PRRG4: variants seen among roughly 807,000 people sequenced by gnomAD.
PRRG4 encodes transmembrane gamma-carboxyglutamic acid protein 4.
PRRG4 carries 12 observed loss-of-function variants against 20.0 expected under a neutral mutation model. The ratio of observed to expected loss-of-function variants is 0.60; its 90% CI spans 0.38 to 0.97. The LOEUF (loss-of-function observed/expected upper bound fraction) is 0.97. PRRG4 is among the 50% of genes least tolerant of loss of function. The probability of loss-of-function intolerance (pLI) is 0.00; values close to 1 mark genes in which losing one functional copy is unlikely to be tolerated. For missense variants in PRRG4, 199 were observed against 265.1 expected, an observed-to-expected ratio of 0.75 and a Z score of 1.73; for synonymous variants, 94 against 96.4, an observed-to-expected ratio of 0.98 and a Z score of 0.15.
intron 5 of PRRG4, among the ~76,000 whole-genome samples, chr11:32,848,615 C>CAT (rs755363252): frequency 9.2e-4 from 137 of 149,140 alleles, no homozygotes; most frequent in African/African-American, 1.3e-3. Flanking sequence ...TATATGTATA[C>CAT]ATATATATAT....
intron 5 of PRRG4, among the ~76,000 whole-genome samples, chr11:32,844,628 G>A (rs1851111191): frequency 6.6e-6 from 1 of 151,954 alleles, no homozygotes; most frequent in South Asian, 2.1e-4. Context: ...AGCCTCCCAA[G>A]TAGCTGAGAT....
chr11:32,829,813 A>T, upstream of PRRG4: 1 of 985,398 alleles, frequency 1.0e-6, no homozygotes, highest in African/African-American at 1.7e-5. Flanking sequence ...CTGAGAGCGC[A>T]GCGCGGGCTC....
chr11:32,839,870 T>A (rs1169440434), intron 4 of PRRG4, among the ~76,000 whole-genome samples: 2 of 147,170 alleles, frequency 1.4e-5, no homozygotes, highest in East Asian at 3.9e-4. Flanking sequence ...ATATATATAT[T>A]TTAAATAAAT....
chr11:32,830,765 A>G (rs1383698672), intron 2 of PRRG4, 133 bp downstream of exon 2: 3 of 1,417,402 alleles, frequency 2.1e-6, no homozygotes, highest in Non-Finnish European at 2.8e-6. Context: ...TTTGTGGCAT[A>G]TTTGGCAAGG....
At chr11:32,831,730 G>A (rs924969162) in intron 2 of PRRG4, among the ~76,000 whole-genome samples, 1 of 151,890 alleles carries the variant, frequency 6.6e-6, no homozygotes, top group Non-Finnish European at 1.5e-5. Flanking sequence ...ACGGGTATAA[G>A]AGACACTCTC....
chr11:32,840,346 T>G lies in PRRG4; in HGVS notation c.449+107T>G. On this transcript the variant is annotated intron_variant, in intron 5 of 5. Transcript: ENST00000257836. This position sits in a 1 kb window ranked among gnomAD's most constrained non-coding sequence, Gnocchi z 4.1. Reference sequence around the variant, plus strand: ...CTATTTTCTTAAATAAGCCTTTTATTTTGGAAGAATTTTAGATGTATAGGG... The same window carrying G: ...CTATTTTCTTAAATAAGCCTTTTATGTTGGAAGAATTTTAGATGTATAGGG... The G allele has an allele frequency of 1.2e-6, 1 of 833,164 alleles. No individual in the cohort carries two copies. Among genetic ancestry groups the G allele is most frequent in the Non-Finnish European group, 1.9e-6 (1 of 531,798 alleles). 51.6% of individuals were successfully genotyped at this position (833,164 alleles called of 1,614,324 possible).
At chr11:32,851,072 G>C (rs1020353507) in intron 5 of PRRG4, among the ~76,000 whole-genome samples, 1 of 151,286 alleles carries the variant, frequency 6.6e-6, no homozygotes, top group East Asian at 1.9e-4. Flanking sequence ...AAATTCAGTC[G>C]CAAAAATAAT....
In PRRG4 at chr11:32,838,786, C is replaced by T. The variant is rs1465872805; in HGVS notation, c.268-96C>T. The T allele has an allele frequency of 8.2e-6, 7 of 849,600 alleles. No homozygotes were observed. The East Asian group carries it at 1.5e-4, about 18-fold the overall frequency. 52.6% of individuals were successfully genotyped at this position (849,600 alleles called of 1,614,324 possible). ...ACTGGTCTCCTACCTATGGTGCATG[C>T]CAAGAGTTTACTACCCCTAGTCTAG... On this transcript the variant is annotated intron_variant, in intron 3 of 5. Coordinates refer to ENST00000257836, the MANE Select transcript of PRRG4 (RefSeq NM_024081.6).
chr11:32,831,950 C>G (rs1156784385), intron 2 of PRRG4, among the ~76,000 whole-genome samples: 1 of 152,022 alleles, frequency 6.6e-6, no homozygotes, highest in Non-Finnish European at 1.5e-5. Flanking sequence ...GATCGTGCCA[C>G]TGCACTCCAG....
chr11:32,851,519 A>G (rs1288659515), intron 5 of PRRG4, among the ~76,000 whole-genome samples: 1 of 152,168 alleles, frequency 6.6e-6, no homozygotes. Flanking sequence ...TGAAGGGCCA[A>G]TTATCCAGTT....
chr11:32,834,052 C>G (rs983059712), intron 2 of PRRG4, among the ~76,000 whole-genome samples: 1 of 152,036 alleles, frequency 6.6e-6, no homozygotes, highest in Non-Finnish European at 1.5e-5. Context: ...CAACAGAATA[C>G]GTGAGGGATA....
rs1162460506 is a variant in PRRG4, at chr11:32,840,352, A to G, written c.449+113A>G. ...TCTTAAATAAGCCTTTTATTTTGGA[A>G]GAATTTTAGATGTATAGGGAAGTTG... is the stretch of plus-strand genomic sequence containing the variant. On this transcript the variant is annotated intron_variant, in intron 5 of 5. Coordinates refer to ENST00000257836, the MANE Select transcript of PRRG4 (RefSeq NM_024081.6). The surrounding 1 kb of genome is among the most constrained non-coding windows in gnomAD (Gnocchi z 4.1). 2.5e-5 allele frequency: 20 copies of G among 794,802 alleles called. No individual in the cohort carries two copies. Among genetic ancestry groups the G allele is most frequent in the Non-Finnish European group, 1.0e-5 (5 of 497,228 alleles). The allele number at this position is 794,802 out of a possible 1,614,324, so 49.2% of individuals were successfully genotyped here. A position where few individuals can be genotyped will look rare whatever the true frequency, so the allele number is the denominator to read the frequency against.
chr11:32,846,960 T>C (rs1287941864), intron 5 of PRRG4, among the ~76,000 whole-genome samples: 1 of 151,050 alleles, frequency 6.6e-6, no homozygotes, highest in Non-Finnish European at 1.5e-5. Flanking sequence ...ATCCCGCCAC[T>C]GCACTCCAGC....
chr11:32,845,442 G>A (rs7935765), intron 5 of PRRG4, among the ~76,000 whole-genome samples: 61,554 of 151,706 alleles, frequency 0.41, 12,433 homozygotes, highest in South Asian at 0.45. Context: ...TGGCTAAAAC[G>A]GTGAAACCCC....
rs1269926972 is a variant in PRRG4 at position 32,830,033 on chromosome 11, A to G, written c.-163A>G. ...CTTCCCAGGTTTGCGCGCGGGGGCC[A>G]TCCAGACCCTGCGGAGAGCGAGGCC... On this transcript the variant is annotated 5_prime_UTR_variant, in exon 1 of 6. Transcript: ENST00000257836. The G allele has an allele frequency of 5.1e-6, 5 of 986,444 alleles. No individual in the cohort carries two copies. The highest frequency in any genetic ancestry group is 6.0e-6 in the Non-Finnish European group (5 of 830,792). 61.1% of individuals were successfully genotyped at this position (986,444 alleles called of 1,614,324 possible).
chr11:32,835,810 A>T (rs1851014596), intron 2 of PRRG4, among the ~76,000 whole-genome samples: 1 of 152,202 alleles, frequency 6.6e-6, no homozygotes, highest in Admixed American at 6.5e-5. Flanking sequence ...TTAATTTGTA[A>T]TTTAAGAACT....
chr11:32,834,020 G>A (rs1250399657), intron 2 of PRRG4, among the ~76,000 whole-genome samples: 1 of 152,158 alleles, frequency 6.6e-6, no homozygotes, highest in East Asian at 1.9e-4. Flanking sequence ...AGAACCAGGT[G>A]TGTTGGAAGC....
At chr11:32,850,729 A>G (rs541198977) in intron 5 of PRRG4, among the ~76,000 whole-genome samples, 4 of 152,308 alleles carry the variant, frequency 2.6e-5, no homozygotes, top group Non-Finnish European at 4.4e-5. Flanking sequence ...AGAAAAGAAT[A>G]AAAAATAAGA....
intron 5 of PRRG4, among the ~76,000 whole-genome samples, chr11:32,847,829 T>C (rs1851144820): frequency 1.3e-5 from 2 of 152,232 alleles, no homozygotes; most frequent in Non-Finnish European, 2.9e-5. Context: ...TGATACGTGC[T>C]ACAATATGGA....
Sources: allele counts gnomAD v4.1 joint callset (sites outside exome capture counted in the v4.1 genomes callset), GRCh38; gene constraint gnomAD v4.1.1; non-coding constraint Gnocchi (gnomAD v3.1); transcripts MANE v1.5; gene names NCBI Gene and HGNC (gene_info 2026-07-23, HGNC 2026-07-21).